The following AHCYL1 variants were observed in gnomAD, a reference collection of about 807,000 sequenced individuals.
AHCYL1 encodes the protein adenosylhomocysteinase like 1, also known as S-adenosylhomocysteine hydrolase-like protein 1.
Under a neutral mutation model 79.3 loss-of-function variants are expected in AHCYL1, and 20 were observed. The ratio of observed to expected loss-of-function variants is 0.25; its 90% CI spans 0.18 to 0.37. AHCYL1 has a LOEUF of 0.37. Among genes scored for constraint, AHCYL1 ranks in the 10% least tolerant of loss-of-function variants. The probability of loss-of-function intolerance (pLI) is 1.00; values close to 1 mark genes in which losing one functional copy is unlikely to be tolerated. For missense variants in AHCYL1, 330 were observed against 673.6 expected (o/e 0.49, Z 5.65); for synonymous variants, 223 against 242.2 (o/e 0.92, Z 0.74).
rs1314043777 is a variant in AHCYL1, at chr1:110,015,441, G to A, written c.692G>A (p.Gly231Glu). 6.2e-7 allele frequency: 1 copy of A among 1,614,092 alleles called. No individual in the cohort carries two copies. The highest frequency in any genetic ancestry group is 8.5e-7 in the Non-Finnish European group (1 of 1,179,948). The change falls in exon 7 of 17, where the codon GGA (glycine) becomes GAA (glutamate). Residue 231 changes from glycine (G) to glutamate (E), a missense_variant. By Grantham distance (98) the Gly-to-Glu change is moderately conservative. Transcript: ENST00000369799. ...WQANMILDDGGDLTHWVYKKY... is the reference protein window; with the variant it reads ...WQANMILDDGEDLTHWVYKKY... ...GTTCTATAGATCCTGGATGATGGGGGAGACTTAACCCACTGGGTTTATAAG... is the reference window on the plus strand; with the variant it reads ...GTTCTATAGATCCTGGATGATGGGGAAGACTTAACCCACTGGGTTTATAAG...
chr1:109,994,437 T>C (rs1649920911), intron 1 of AHCYL1, among the ~76,000 whole-genome samples: 1 of 151,646 alleles, frequency 6.6e-6, no homozygotes, highest in Non-Finnish European at 1.5e-5. Flanking sequence ...TAAATTTTTT[T>C]TGGTGTTTTT....
chr1:109,989,573 A>T (rs1649648790), intron 1 of AHCYL1, among the ~76,000 whole-genome samples: 2 of 152,182 alleles, frequency 1.3e-5, no homozygotes, highest in African/African-American at 4.8e-5. Flanking sequence ...ACATGGAATC[A>T]TGCAGGTCTT....
chr1:109,992,254 A>C (rs538635894), intron 1 of AHCYL1, among the ~76,000 whole-genome samples: 30 of 152,000 alleles, frequency 2.0e-4, no homozygotes, highest in Middle Eastern at 3.4e-3. Flanking sequence ...TAAAAACACA[A>C]AAAAAATTAG....
intron 13 of AHCYL1, 189 bp downstream of exon 13, chr1:110,018,839 T>G (rs1298313774): frequency 1.8e-5 from 13 of 729,982 alleles, no homozygotes; most frequent in Non-Finnish European, 2.9e-5. Flanking sequence ...TAAGTAACAC[T>G]ATTTCCTAAC....
rs1651003044 is a variant in AHCYL1 at position 110,011,229 on chromosome 1, A to G, written c.248A>G (p.Asp83Gly). 1.2e-6 allele frequency: 2 copies of G among 1,613,920 alleles called. No homozygotes were observed. The highest frequency in any genetic ancestry group is 1.7e-6 in the Non-Finnish European group (2 of 1,179,992). The change falls in exon 3 of 17, where the codon GAT becomes GGT. Residue 83 changes from aspartate (D) to glycine (G), a missense_variant. Asp to Gly is a moderately conservative substitution (Grantham distance 94, BLOSUM62 -1). This residue lies in a region of AHCYL1 where 97 missense variants were observed against 176.3 expected (regional missense o/e 0.55). Transcript: ENST00000369799. The stretch of plus-strand genomic sequence containing the variant: ...CTGGCTCTAGCTGCATCCTACACAG[A>G]TAGCTCTGATGATGAGGTTTCTCCC... ...DSYSSAASYT[D>G]SSDDEVSPRE...
chr1:110,021,019 A>G (rs1266470632), intron 16 of AHCYL1, among the ~76,000 whole-genome samples, 168 bp downstream of exon 16: 4 of 152,222 alleles, frequency 2.6e-5, no homozygotes, highest in Non-Finnish European at 5.9e-5. Flanking sequence ...GCACTTTGAG[A>G]GGCCTAGGCG....
At chr1:110,000,974 G>A in intron 1 of AHCYL1, 2 of 984,764 alleles carry the variant, frequency 2.0e-6, no homozygotes, top group Non-Finnish European at 2.4e-6. Flanking sequence ...CAGGATCTTG[G>A]TGTCCACCCT....
chr1:110,018,264 A>G (rs1338467386), intron 11 of AHCYL1, 109 bp from the exon 12 acceptor site: 1 of 1,045,860 alleles, frequency 9.6e-7, no homozygotes, highest in Non-Finnish European at 1.4e-6. Flanking sequence ...GAATGTCTAC[A>G]TGTTCTTTAA....
At chr1:110,014,306 A>G (rs528133974) in intron 5 of AHCYL1, among the ~76,000 whole-genome samples, 10 of 152,204 alleles carry the variant, frequency 6.6e-5, no homozygotes, top group African/African-American at 4.8e-5. Flanking sequence ...ATACAGTTTT[A>G]TAACCTAAAT....
chr1:110,000,883 T>A, intron 1 of AHCYL1: 1 of 865,654 alleles, frequency 1.2e-6, no homozygotes, highest in African/African-American at 1.8e-5. Context: ...TTCTAGAATG[T>A]TTTGAAAATA....
Position 109,995,638 on chromosome 1 carries a change from C to CT in AHCYL1, c.120+10470dup. On this transcript the variant is annotated intron_variant, in intron 1 of 16. Transcript: ENST00000369799. ...AGTAAACTCAGTGTACTTGTGTTTC[C>CT]TTTTCAGATCCTGCTTAGATTATTT... The CT allele has an allele frequency of 4.1e-6, 4 of 985,214 alleles. No individual in the cohort carries two copies. The South Asian group carries it at 1.9e-4, about 46-fold the overall frequency. The allele number at this position is 985,214 out of a possible 1,614,324, so 61.0% of individuals were successfully genotyped here.
intron 1 of AHCYL1, chr1:110,004,455 G>C: frequency 1.0e-6 from 1 of 985,416 alleles, no homozygotes; most frequent in Non-Finnish European, 1.2e-6. Context: ...TTTTCTGGTG[G>C]GTGTGTCTGG....
intron 1 of AHCYL1, among the ~76,000 whole-genome samples, chr1:110,003,174 T>C (rs1479912777): frequency 6.6e-6 from 1 of 152,222 alleles, no homozygotes; most frequent in African/African-American, 2.4e-5. Context: ...AGTCTGGATA[T>C]ATGAATATAT....
At chr1:109,995,286 AG>A (rs201915784) in intron 1 of AHCYL1, among the ~76,000 whole-genome samples, 2,712 of 152,274 alleles carry the variant, frequency 0.018, 33 homozygotes, top group Admixed American at 0.031. Context: ...TTTGGGGAGC[AG>A]GGGGTTCATA....
At chr1:110,017,676 A>C in intron 10 of AHCYL1, 93 bp downstream of exon 10, 1 of 1,358,594 alleles carries the variant, frequency 7.4e-7, no homozygotes, top group South Asian at 1.2e-5. Context: ...TTTTGCAGAA[A>C]TCACCTAGGG....
At chr1:110,014,428 C>T (rs1364905614) in intron 5 of AHCYL1, among the ~76,000 whole-genome samples, 1 of 152,184 alleles carries the variant, frequency 6.6e-6, no homozygotes, top group East Asian at 1.9e-4. Context: ...TAATGGAGAA[C>T]ATTTAGGTTG....
intron 1 of AHCYL1, chr1:109,985,582 T>C (rs1198609533): frequency 2.0e-6 from 2 of 985,776 alleles, no homozygotes; most frequent in Non-Finnish European, 2.4e-6. Flanking sequence ...ATCAAATCTT[T>C]GGGAGCAGTG....
intron 1 of AHCYL1, 58 bp downstream of exon 1, chr1:109,985,230 G>A: frequency 6.4e-7 from 1 of 1,565,404 alleles, no homozygotes; most frequent in Non-Finnish European, 8.7e-7. Context: ...GAAGGGACGC[G>A]AGCAAGCCCG....
chr1:110,017,269 C>T (rs887808903), intron 9 of AHCYL1, among the ~76,000 whole-genome samples: 1 of 152,112 alleles, frequency 6.6e-6, no homozygotes, highest in African/African-American at 2.4e-5. Context: ...CTATGCAAAG[C>T]CCCAGTCCTT....
Sources: gnomAD v4.1 joint callset for allele counts (sites outside exome capture counted in the v4.1 genomes callset) on GRCh38, gnomAD v4.1.1 for gene constraint, gnomAD v4.1.1 regional missense constraint, MANE v1.5 for transcripts, NCBI Gene and HGNC (gene_info 2026-07-23, HGNC 2026-07-21) for gene names.